Variants in TIAM1 observed in about 807,000 individuals in gnomAD.
TIAM1 encodes rho guanine nucleotide exchange factor TIAM1.
A neutral mutation model predicts 163.5 loss-of-function variants in TIAM1; 65 were observed. The observed-to-expected ratio is 0.40, with a 90% CI of 0.33 to 0.49. The LOEUF (loss-of-function observed/expected upper bound fraction) is 0.49. Ranked by LOEUF, TIAM1 falls within the 20% of genes least tolerant of loss-of-function variation. The pLI, the probability that TIAM1 is intolerant of heterozygous loss-of-function variation, is 0.77. For synonymous variants in TIAM1, 833 were observed against 810.1 expected (o/e 1.03, Z -0.48); for missense variants, 1,789 against 2,044.7 (o/e 0.87, Z 2.41).
intron 15 of TIAM1, among the ~76,000 whole-genome samples, chr21:31,166,711 G>A (rs1371297854): frequency 6.6e-6 from 1 of 152,218 alleles, no homozygotes; most frequent in Non-Finnish European, 1.5e-5. Flanking sequence ...AGTTAACTTG[G>A]CAGATATCAT....
chr21:31,551,937 G>T (rs944789281), intron 1 of TIAM1, among the ~76,000 whole-genome samples: 3 of 151,966 alleles, frequency 2.0e-5, no homozygotes, highest in African/African-American at 7.3e-5. Context: ...AGAATATCAG[G>T]CTGGATGGGA....
intron 1 of TIAM1, among the ~76,000 whole-genome samples, chr21:31,531,921 A>G (rs1446017362): frequency 6.6e-6 from 1 of 152,134 alleles, no homozygotes; most frequent in Non-Finnish European, 1.5e-5. Context: ...GTTTGAGACC[A>G]GCCTGGGCAA....
At chr21:31,490,498 C>T (rs369104550) in intron 1 of TIAM1, among the ~76,000 whole-genome samples, 7 of 152,150 alleles carry the variant, frequency 4.6e-5, no homozygotes, top group African/African-American at 1.7e-4. Flanking sequence ...GGATGCCTCC[C>T]TCCCTGTCAA....
chr21:31,346,676 G>A (rs115027558), upstream of TIAM1, among the ~76,000 whole-genome samples: 1,912 of 152,232 alleles, frequency 0.013, 40 homozygotes, highest in African/African-American at 0.044. Flanking sequence ...ATGAGTCTCC[G>A]CTGGAACTAC....
At position 31,119,687 on chromosome 21, in the gene TIAM1, C is replaced by A. The variant is rs186361224; in HGVS notation, c.*681G>T. 492 of 152,544 alleles carry A rather than the reference C, an allele frequency of 3.2e-3. No individual in the cohort carries two copies. Among genetic ancestry groups the A allele is most frequent in the Non-Finnish European group, 4.5e-3 (304 of 68,006 alleles). 9.4% of individuals were successfully genotyped at this position (152,544 alleles called of 1,614,324 possible). On this transcript the variant is annotated 3_prime_UTR_variant, in exon 28 of 28. Coordinates refer to ENST00000541036, the MANE Select transcript of TIAM1 (RefSeq NM_001353694.2). ...AAATACAAAAAATAGTGTTTCTTTT[C>A]TTTCTCTCAAGCGATAAATTTGGAT... is the stretch of plus-strand genomic sequence containing the variant.
chr21:31,463,466 A>G (rs569190902), intron 2 of TIAM1, among the ~76,000 whole-genome samples: 1 of 152,120 alleles, frequency 6.6e-6, no homozygotes, highest in African/African-American at 2.4e-5. Flanking sequence ...GTCACCTCCT[A>G]ATTGGTCTCC....
At position 31,252,117 on chromosome 21, in the gene TIAM1, G is replaced by A; in HGVS notation, c.1036C>T (p.Leu346=). 6.2e-7 allele frequency: 1 copy of A among 1,613,304 alleles called. No individual in the cohort carries two copies. Among genetic ancestry groups the A allele is most frequent in the Non-Finnish European group, 8.5e-7 (1 of 1,180,044 alleles). The part of the protein sequence containing the change: ...IEGATTDTDL[L]SRRSNATNSS... ...TTGGTGGCATTAGATCGCCTGGACA[G>A]GAGGTCCGTGTCGGTAGTGGCCCCT... Residue 346 remains leucine, a synonymous_variant, in exon 5 of 28, where the codon CTG becomes TTG. Coordinates refer to ENST00000541036, the MANE Select transcript of TIAM1 (RefSeq NM_001353694.2).
intron 13 of TIAM1, among the ~76,000 whole-genome samples, chr21:31,191,776 G>T (rs982633983): frequency 1.3e-5 from 2 of 152,196 alleles, no homozygotes; most frequent in African/African-American, 4.8e-5. Flanking sequence ...GAGTAATTCA[G>T]TGACTTTAAC....
intron 2 of TIAM1, among the ~76,000 whole-genome samples, chr21:31,373,350 G>A (rs2076631024): frequency 1.3e-5 from 2 of 152,034 alleles, no homozygotes; most frequent in African/African-American, 2.4e-5. Flanking sequence ...AGACATACCC[G>A]AAACTGGGAA....
intron 2 of TIAM1, among the ~76,000 whole-genome samples, chr21:31,445,498 T>A (rs536636287): frequency 6.6e-6 from 1 of 152,332 alleles, no homozygotes; most frequent in East Asian, 1.9e-4. Context: ...GATGTTATAT[T>A]CCCACTTGCC....
chr21:31,459,146 G>T (rs534277423), intron 2 of TIAM1, among the ~76,000 whole-genome samples: 14 of 152,184 alleles, frequency 9.2e-5, no homozygotes, highest in Middle Eastern at 3.4e-3. Context: ...CTGAGACAGG[G>T]TCTTGTTCTG....
At chr21:31,298,735 GGTGTGTGTGTGTGTGTGT>G (rs147701527) in intron 2 of TIAM1, among the ~76,000 whole-genome samples, 1 of 138,482 alleles carries the variant, frequency 7.2e-6, no homozygotes, top group African/African-American at 2.8e-5. Flanking sequence ...TCCAATTGAG[GGTGTGTGTGTGTGTGTGT>G]GTGTGTGTGT....
chr21:31,440,597 A>T (rs1311143677), intron 2 of TIAM1, among the ~76,000 whole-genome samples: 1 of 152,194 alleles, frequency 6.6e-6, no homozygotes, highest in Non-Finnish European at 1.5e-5. Context: ...ATTGAAAGAC[A>T]AATGGCTGGG....
chr21:31,150,769 A>G (rs951826454), intron 19 of TIAM1, among the ~76,000 whole-genome samples: 1 of 152,196 alleles, frequency 6.6e-6, no homozygotes, highest in Non-Finnish European at 1.5e-5. Context: ...TGCTCTGTGA[A>G]GGGCACTGTC....
At chr21:31,521,016 A>G (rs2047561562) in intron 1 of TIAM1, among the ~76,000 whole-genome samples, 1 of 152,256 alleles carries the variant, frequency 6.6e-6, no homozygotes, top group Admixed American at 6.5e-5. Flanking sequence ...ACAGCCTGCC[A>G]CAGAGCAGGT....
At chr21:31,323,085 C>T (rs991741686) in intron 2 of TIAM1, among the ~76,000 whole-genome samples, 35 of 150,870 alleles carry the variant, frequency 2.3e-4, no homozygotes, top group Admixed American at 2.2e-3. Flanking sequence ...GTCAAGAGAT[C>T]GAGACCATCC....
intron 2 of TIAM1, among the ~76,000 whole-genome samples, chr21:31,447,342 G>A (rs149039825): frequency 6.6e-6 from 1 of 152,196 alleles, no homozygotes; most frequent in African/African-American, 2.4e-5. Context: ...AGGCTGAGGT[G>A]GGAAGACTGC....
intron 2 of TIAM1, among the ~76,000 whole-genome samples, chr21:31,401,219 G>A (rs181206950): frequency 3.9e-5 from 6 of 152,290 alleles, no homozygotes; most frequent in African/African-American, 1.2e-4. Flanking sequence ...ATGAATGAAA[G>A]TATTTTTTAA....
At chr21:31,379,341 T>C (rs2147170979) in intron 2 of TIAM1, among the ~76,000 whole-genome samples, 1 of 152,272 alleles carries the variant, frequency 6.6e-6, no homozygotes, top group South Asian at 2.1e-4. Flanking sequence ...GAGGTCTGGA[T>C]CCAATTCCCC....
Sources: gnomAD v4.1 joint callset for allele counts (sites outside exome capture counted in the v4.1 genomes callset) on GRCh38, gnomAD v4.1.1 for gene constraint, MANE v1.5 for transcripts, NCBI Gene and HGNC (gene_info 2026-07-23, HGNC 2026-07-21) for gene names.